The following KANTR variants were observed in gnomAD, a reference collection of about 807,000 sequenced individuals.
KANTR encodes KANTR integral membrane protein.
At chrX:53,146,923 A>AT (rs1933584796), downstream of KANTR, among the ~76,000 whole-genome samples, 1 of 111,886 alleles carries the variant, frequency 8.9e-6, no homozygotes, top group Admixed American at 9.5e-5. Context: ...ATGCTGAGAG[A>AT]TTTTGTCACC....
downstream of KANTR, among the ~76,000 whole-genome samples, chrX:53,129,151 T>C (rs1432044742): frequency 9.9e-6 from 1 of 101,308 alleles, no homozygotes; most frequent in Non-Finnish European, 2.0e-5. Flanking sequence ...CACTGCAAGC[T>C]CTGCCTCCTG....
At chrX:53,143,602 A>G, downstream of KANTR, 1 of 662,895 alleles carries the variant, frequency 1.5e-6, no homozygotes, top group African/African-American at 2.1e-5. Flanking sequence ...CTCGGCCAAC[A>G]GCACCGGGTG....
chrX:53,106,964 T>C (rs1221665759), intron 2 of KANTR, among the ~76,000 whole-genome samples: 5 of 109,856 alleles, frequency 4.6e-5, no homozygotes, highest in Non-Finnish European at 9.4e-5. Context: ...AAAAAAATAA[T>C]TGACCATAAA....
chrX:53,098,735 T>C (rs1402329442), intron 1 of KANTR, among the ~76,000 whole-genome samples: 1 of 111,245 alleles, frequency 9.0e-6, no homozygotes, highest in African/African-American at 3.3e-5. Context: ...TTTTTTTCTT[T>C]TTTTTTCTGA....
At chrX:53,138,933 G>A (rs1341805405) in intron 2 of KANTR, among the ~76,000 whole-genome samples, 1 of 110,549 alleles carries the variant, frequency 9.0e-6, no homozygotes, top group Non-Finnish European at 1.9e-5. Context: ...GATTCTAGGG[G>A]CCAGGCACAG....
At chrX:53,144,334 G>T (rs1933544383), downstream of KANTR, among the ~76,000 whole-genome samples, 1 of 111,658 alleles carries the variant, frequency 9.0e-6, no homozygotes, top group South Asian at 3.7e-4. Flanking sequence ...GGCAGAGATT[G>T]CAGTGAGCCG....
chrX:53,095,424 A>G (rs1202490534), intron 1 of KANTR, among the ~76,000 whole-genome samples: 1 of 108,752 alleles, frequency 9.2e-6, no homozygotes, highest in Non-Finnish European at 1.9e-5. Context: ...GGTCGTTCTC[A>G]TACCTGTTGG....
exon 3 of KANTR, chrX:53,126,460 T>C (rs1162368961): frequency 8.1e-5 from 9 of 111,688 alleles, no homozygotes; most frequent in African/African-American, 2.9e-4. Flanking sequence ...GATTCTCTTT[T>C]CAACTATGTT....
Position 53,121,180 on chromosome X carries a change from G to A in KANTR, c.-804-2289G>A, listed in dbSNP as rs186283194. Reference sequence around the variant, plus strand: ...TGCCCAGGTAGTTTTTGTATTTTTAGTAAAGACGGGGTTTCACCATGTTGG... The same window carrying A: ...TGCCCAGGTAGTTTTTGTATTTTTAATAAAGACGGGGTTTCACCATGTTGG... On this transcript the variant is annotated intron_variant, in intron 2 of 2. Coordinates refer to ENST00000604062, the Ensembl canonical transcript of KANTR. 2.7e-5 allele frequency among the ~76,000 whole-genome samples: 3 copies of A among 110,250 alleles called. No homozygotes were observed. In the East Asian group the frequency reaches 8.5e-4, roughly 31 times the overall value.
chrX:53,115,412 A>G (rs1933108222), intron 2 of KANTR, among the ~76,000 whole-genome samples: 1 of 109,949 alleles, frequency 9.1e-6, no homozygotes, highest in Non-Finnish European at 1.9e-5. Flanking sequence ...CATGCTGGGG[A>G]TGGTCTGGGA....
downstream of KANTR, among the ~76,000 whole-genome samples, chrX:53,147,279 G>A (rs186164931): frequency 5.4e-5 from 6 of 111,310 alleles, no homozygotes; most frequent in East Asian, 5.6e-4. Flanking sequence ...GAAGACCTAC[G>A]AAGCAAATGG....
chrX:53,138,759 G>T (rs1264912343), intron 2 of KANTR, among the ~76,000 whole-genome samples: 1 of 109,591 alleles, frequency 9.1e-6, no homozygotes, highest in Non-Finnish European at 1.9e-5. Context: ...AAACAGACAA[G>T]TAGACCAATA....
chrX:53,103,150 A>T (rs1932909871), intron 2 of KANTR, among the ~76,000 whole-genome samples: 1 of 109,542 alleles, frequency 9.1e-6, no homozygotes, highest in African/African-American at 3.3e-5. Flanking sequence ...ACGCTCAGCT[A>T]ATTTTTGTAG....
intron 2 of KANTR, among the ~76,000 whole-genome samples, chrX:53,136,732 T>C (rs868981624): frequency 4.6e-5 from 1 of 21,515 alleles, no homozygotes; most frequent in African/African-American, 8.8e-5. Flanking sequence ...ATATATATAT[T>C]TTGTTTGTTT....
chrX:53,139,190 C>T (rs1223404316), intron 2 of KANTR, among the ~76,000 whole-genome samples: 1 of 100,501 alleles, frequency 1.0e-5, no homozygotes, highest in Non-Finnish European at 2.0e-5. Context: ...CACTGCTCTC[C>T]AGCCTGGGTG....
intron 2 of KANTR, chrX:53,113,370 A>G (rs1217254116): frequency 8.5e-6 from 1 of 117,361 alleles, no homozygotes; most frequent in Non-Finnish European, 1.7e-5. Context: ...TCTCTCTGTT[A>G]AATGTTTCAT....
At chrX:53,134,402 A>C (rs1367176120) in intron 2 of KANTR, among the ~76,000 whole-genome samples, 1 of 111,036 alleles carries the variant, frequency 9.0e-6, no homozygotes, top group African/African-American at 3.3e-5. Context: ...CGAGGAAATG[A>C]GAACATAAAG....
chrX:53,102,985 T>G (rs1200912010), intron 2 of KANTR, among the ~76,000 whole-genome samples: 1 of 11,042 alleles, frequency 9.1e-5, no homozygotes, highest in African/African-American at 1.8e-4. Flanking sequence ...GTTTTGTTTG[T>G]TTTTTTTTTT....
At chrX:53,120,790 C>T (rs782723886) in intron 2 of KANTR, among the ~76,000 whole-genome samples, 15 of 110,765 alleles carry the variant, frequency 1.4e-4, no homozygotes, top group Non-Finnish European at 1.9e-4. Flanking sequence ...GGCGTGATCT[C>T]GGCTCACTGC....
Sources: gnomAD v4.1 joint callset for allele counts (sites outside exome capture counted in the v4.1 genomes callset) on GRCh38, gnomAD v4.1.1 for gene constraint, MANE v1.5 for transcripts, NCBI Gene and HGNC (gene_info 2026-07-23, HGNC 2026-07-21) for gene names.